SPIN1: variants seen among roughly 807,000 people sequenced by gnomAD.
SPIN1 encodes spindlin 1, also known as spindlin-1.
A neutral mutation model predicts 26.0 loss-of-function variants in SPIN1; 3 were observed. The observed-to-expected ratio is 0.12, with a 90% CI of 0.05 to 0.30. The LOEUF (loss-of-function observed/expected upper bound fraction) is 0.30. Among genes scored for constraint, SPIN1 ranks in the 10% least tolerant of loss-of-function variants. The pLI, the probability that SPIN1 is intolerant of heterozygous loss-of-function variation, is 1.00. For missense variants in SPIN1, 126 were observed against 333.4 expected (o/e 0.38, Z 4.84); for synonymous variants, 101 against 116.5 (o/e 0.87, Z 0.86).
At chr9:88,388,764 C>T (rs1394067274) in intron 1 of SPIN1, among the ~76,000 whole-genome samples, 4 of 149,590 alleles carry the variant, frequency 2.7e-5, no homozygotes, top group East Asian at 2.0e-4. Context: ...CTCCTTTGTT[C>T]GCCGGCCCCT....
At chr9:88,446,751 T>G (rs1828259648) in intron 2 of SPIN1, among the ~76,000 whole-genome samples, 1 of 152,214 alleles carries the variant, frequency 6.6e-6, no homozygotes, top group Non-Finnish European at 1.5e-5. Flanking sequence ...TTCCACTGTC[T>G]TCAGGCTTAC....
At chr9:88,433,912 T>TC (rs1214020044) in intron 2 of SPIN1, among the ~76,000 whole-genome samples, 1 of 152,082 alleles carries the variant, frequency 6.6e-6, no homozygotes, top group Admixed American at 6.5e-5. Context: ...TTTTTTTTTT[T>TC]CTCATCAACG....
rs952799464 is a variant in SPIN1 at position 88,476,652 on chromosome 9, T to A, written c.*1375T>A. 3.3e-5 allele frequency: 5 copies of A among 152,204 alleles called. No homozygotes were observed. Among genetic ancestry groups the A allele is most frequent in the African/African-American group, 1.2e-4 (5 of 41,454 alleles). The allele number at this position is 152,204 out of a possible 1,614,324, so 9.4% of individuals were successfully genotyped here. On this transcript the variant is annotated 3_prime_UTR_variant, in exon 6 of 6. Transcript: ENST00000375859. ...GCAGCCCTTAGCCACGGAGTCTTTA[T>A]GTGGTTTATTCCTGCAAGGTTGTTT...
chr9:88,468,305 TCA>T (rs1828711908), intron 4 of SPIN1, 65 bp from the exon 5 acceptor site: 5 of 1,192,882 alleles, frequency 4.2e-6, no homozygotes, highest in Non-Finnish European at 5.7e-6. Flanking sequence ...TTTAGTAAAT[TCA>T]GTCTTCATAG....
At chr9:88,418,903 G>T (rs989133974) in intron 1 of SPIN1, 1 of 152,176 alleles carries the variant, frequency 6.6e-6, no homozygotes, top group Non-Finnish European at 1.5e-5. Context: ...TCATGGTTGT[G>T]AGGAGTGCAT....
chr9:88,403,139 A>T (rs576895488), intron 1 of SPIN1, among the ~76,000 whole-genome samples: 3 of 151,960 alleles, frequency 2.0e-5, no homozygotes, highest in Non-Finnish European at 4.4e-5. Context: ...TATTATTATT[A>T]TTTTTTAATT....
At chr9:88,418,892 C>T (rs1161116384) in intron 1 of SPIN1, 1 of 152,098 alleles carries the variant, frequency 6.6e-6, no homozygotes, top group Non-Finnish European at 1.5e-5. Flanking sequence ...GCATATCTTC[C>T]TCATGGTTGT....
chr9:88,441,255 C>G (rs1457152465), intron 2 of SPIN1, among the ~76,000 whole-genome samples: 1 of 151,770 alleles, frequency 6.6e-6, no homozygotes, highest in African/African-American at 2.4e-5. Context: ...GATGCAAATA[C>G]TACACCATTT....
intron 2 of SPIN1, among the ~76,000 whole-genome samples, chr9:88,444,236 ATTTT>A (rs745590731): frequency 9.8e-6 from 1 of 102,424 alleles, no homozygotes; most frequent in Admixed American, 1.0e-4. Flanking sequence ...TCTTGTTCCC[ATTTT>A]TTTTTTTTTT....
chr9:88,466,113 C>G (rs1284723039), intron 4 of SPIN1, among the ~76,000 whole-genome samples: 1 of 152,064 alleles, frequency 6.6e-6, no homozygotes, highest in East Asian at 1.9e-4. Flanking sequence ...TAGGCATTAT[C>G]TATGTAAACA....
chr9:88,417,151 C>G (rs1378756374), intron 1 of SPIN1, among the ~76,000 whole-genome samples: 1 of 152,196 alleles, frequency 6.6e-6, no homozygotes, highest in East Asian at 1.9e-4. Context: ...CCCTTCATAT[C>G]TAATATCTAT....
intron 3 of SPIN1, chr9:88,457,959 G>C: frequency 1.0e-6 from 1 of 985,366 alleles, no homozygotes. Flanking sequence ...AGTAGAATTA[G>C]CCAGGTAAGG....
intron 1 of SPIN1, among the ~76,000 whole-genome samples, chr9:88,389,011 CG>C (rs1485004536): frequency 1.7e-5 from 1 of 58,554 alleles, no homozygotes; most frequent in Non-Finnish European, 3.9e-5. Context: ...GGGGGCGGGG[CG>C]GGGGGAGGGG....
At position 88,477,745 on chromosome 9, in the gene SPIN1, A is replaced by G. The variant is rs1343502414; in HGVS notation, c.*2468A>G. On this transcript the variant is annotated 3_prime_UTR_variant, in exon 6 of 6. Coordinates refer to ENST00000375859, the MANE Select transcript of SPIN1 (RefSeq NM_006717.3). Reference sequence around the variant, plus strand: ...TTCCAGGAATTCAACATTAATTTCCAAAAGTATCATGGGACTTGTGACAAT... The same window carrying G: ...TTCCAGGAATTCAACATTAATTTCCGAAAGTATCATGGGACTTGTGACAAT... The G allele has an allele frequency of 6.6e-6, 1 of 152,616 alleles. No homozygotes were observed. The highest frequency in any genetic ancestry group is 6.5e-5 in the Admixed American group (1 of 15,276). 9.5% of individuals were successfully genotyped at this position (152,616 alleles called of 1,614,324 possible).
At chr9:88,474,948 A>G in intron 5 of SPIN1, 130 bp from the exon 6 acceptor site, 1 of 869,008 alleles carries the variant, frequency 1.2e-6, no homozygotes, top group Non-Finnish European at 1.7e-6. Context: ...GGTCTAGATA[A>G]TCATGAATTC....
At chr9:88,408,361 T>C (rs1827355117) in intron 1 of SPIN1, among the ~76,000 whole-genome samples, 1 of 135,440 alleles carries the variant, frequency 7.4e-6, no homozygotes, top group Non-Finnish European at 1.5e-5. Flanking sequence ...TTTTGGTTTT[T>C]CTTTTCCTTT....
intron 2 of SPIN1, among the ~76,000 whole-genome samples, chr9:88,429,448 GCCCTGTC>G (rs778702397): frequency 1.2e-4 from 18 of 152,236 alleles, no homozygotes; most frequent in Admixed American, 5.2e-4. Flanking sequence ...AGTTTCCACA[GCCCTGTC>G]CCTGGGCTCA....
intron 2 of SPIN1, among the ~76,000 whole-genome samples, chr9:88,446,045 C>T (rs904998731): frequency 4.6e-5 from 7 of 151,538 alleles, no homozygotes; most frequent in Admixed American, 1.3e-4. Flanking sequence ...TCTGATTTTC[C>T]TGTCTGCTTG....
intron 1 of SPIN1, among the ~76,000 whole-genome samples, chr9:88,400,147 G>GA (rs1284420548): frequency 1.3e-5 from 2 of 152,158 alleles, no homozygotes; most frequent in Non-Finnish European, 2.9e-5. Context: ...GTCTTCCTCA[G>GA]AATCTGCCCT....
Sources: gnomAD v4.1 joint callset for allele counts (sites outside exome capture counted in the v4.1 genomes callset) on GRCh38, gnomAD v4.1.1 for gene constraint, MANE v1.5 for transcripts, NCBI Gene and HGNC (gene_info 2026-07-23, HGNC 2026-07-21) for gene names.